Variants in LMO7 observed in about 807,000 individuals in gnomAD.
The protein encoded by LMO7 is LIM domain only protein 7.
Under a neutral mutation model 206.5 loss-of-function variants are expected in LMO7, and 120 were observed. The observed-to-expected ratio is 0.58, with a 90% CI of 0.50 to 0.68. LMO7 has a LOEUF of 0.68. LMO7 is among the 30% of genes least tolerant of loss of function. LMO7 has a pLI of 0.00. For synonymous variants in LMO7, 706 were observed against 681.5 expected (o/e 1.04, Z -0.56); for missense variants, 1,959 against 1,957.9 (o/e 1.00, Z -0.01).
intron 11 of LMO7, among the ~76,000 whole-genome samples, chr13:75,813,687 C>T (rs949066513): frequency 4.6e-5 from 7 of 152,266 alleles, no homozygotes; most frequent in South Asian, 2.1e-4. Context: ...GGCTGTGCTC[C>T]GTGTTGGGGG....
chr13:75,667,655 A>G (rs1429182026), intron 1 of LMO7, among the ~76,000 whole-genome samples: 1 of 151,910 alleles, frequency 6.6e-6, no homozygotes, highest in Admixed American at 6.6e-5. Flanking sequence ...ATTTTCTTTC[A>G]TTATTATCAT....
intron 1 of LMO7, among the ~76,000 whole-genome samples, chr13:75,687,199 C>G (rs952355333): frequency 6.6e-6 from 1 of 152,010 alleles, no homozygotes; most frequent in Non-Finnish European, 1.5e-5. Flanking sequence ...ATAAAGTGAC[C>G]ACTGATTGTG....
chr13:75,846,234 A>AC (rs1189751911), intron 26 of LMO7, among the ~76,000 whole-genome samples: 3 of 152,176 alleles, frequency 2.0e-5, no homozygotes, highest in Non-Finnish European at 4.4e-5. Flanking sequence ...AGCTAGTTTA[A>AC]CCTCTCATTA....
In LMO7 at chr13:75,729,234, C is replaced by T. The variant is rs372570741; in HGVS notation, c.210+2136C>T. Among the ~76,000 whole-genome samples the T allele has an allele frequency of 6.9e-4, 102 of 146,862 alleles. 1 individual carries two copies. The highest frequency in any genetic ancestry group is 3.5e-3 in the Middle Eastern group (1 of 288). ...ACCTTGGGCAGTATGGCCATTTTCA[C>T]GATATTGATTCTTCCTATCCATGAG... On this transcript the variant is annotated intron_variant, in intron 3 of 30. Coordinates refer to ENST00000377534, the MANE Select transcript of LMO7 (RefSeq NM_001306080.2).
At chr13:75,732,945 G>A (rs183161601) in intron 3 of LMO7, among the ~76,000 whole-genome samples, 87 of 152,266 alleles carry the variant, frequency 5.7e-4, no homozygotes, top group African/African-American at 2.0e-3. Context: ...GCTGATTTTC[G>A]TGAACCGCGA....
upstream of LMO7, among the ~76,000 whole-genome samples, chr13:75,635,517 G>A (rs1458855127): frequency 6.6e-6 from 1 of 152,186 alleles, no homozygotes; most frequent in East Asian, 1.9e-4. Context: ...TCCCCTGAGT[G>A]TCCTCAAACC....
intron 1 of LMO7, among the ~76,000 whole-genome samples, chr13:75,710,430 G>C (rs1232098160): frequency 6.6e-6 from 1 of 152,152 alleles, no homozygotes; most frequent in Non-Finnish European, 1.5e-5. Flanking sequence ...CTATCCATGA[G>C]CATGGAATGT....
intron 4 of LMO7, among the ~76,000 whole-genome samples, chr13:75,789,827 G>A (rs1043931046): frequency 2.0e-5 from 3 of 152,144 alleles, no homozygotes; most frequent in Admixed American, 2.0e-4. Context: ...CTGGTGCACT[G>A]CGGTAAAACT....
chr13:75,706,810 A>G (rs947120005), intron 1 of LMO7, among the ~76,000 whole-genome samples: 2 of 152,190 alleles, frequency 1.3e-5, no homozygotes, highest in African/African-American at 4.8e-5. Context: ...GCCTAAAAAT[A>G]CTTTAGAGTC....
chr13:75,700,272 A>G (rs1180970519), intron 1 of LMO7, among the ~76,000 whole-genome samples: 2 of 152,234 alleles, frequency 1.3e-5, no homozygotes, highest in Non-Finnish European at 2.9e-5. Flanking sequence ...AGATTAAAGT[A>G]AAGACAGGCA....
intron 4 of LMO7, among the ~76,000 whole-genome samples, chr13:75,766,422 C>T (rs2048894492): frequency 6.6e-6 from 1 of 151,874 alleles, no homozygotes; most frequent in Non-Finnish European, 1.5e-5. Context: ...GCACTTCATC[C>T]AGTAAGAGGA....
chr13:75,754,559 G>A (rs985067367), intron 3 of LMO7, among the ~76,000 whole-genome samples: 1 of 152,166 alleles, frequency 6.6e-6, no homozygotes, highest in Non-Finnish European at 1.5e-5. Flanking sequence ...AGGAATGGGA[G>A]TGAGTGGGAA....
chr13:75,779,934 G>A (rs1458623386), intron 4 of LMO7, among the ~76,000 whole-genome samples: 1 of 152,098 alleles, frequency 6.6e-6, no homozygotes, highest in Non-Finnish European at 1.5e-5. Context: ...CTGGATGTCC[G>A]GGGGAGACAT....
At chr13:75,737,700 C>T (rs1288954405) in intron 3 of LMO7, among the ~76,000 whole-genome samples, 1 of 121,330 alleles carries the variant, frequency 8.2e-6, no homozygotes, top group Non-Finnish European at 1.6e-5. Context: ...TTGCAGTGAG[C>T]CGAGATCGCG....
chr13:75,730,449 G>A (rs2045042968), intron 3 of LMO7, among the ~76,000 whole-genome samples: 1 of 152,110 alleles, frequency 6.6e-6, no homozygotes, highest in Non-Finnish European at 1.5e-5. Context: ...ATGGTAGTTT[G>A]TATTTCTGTG....
At position 75,841,984 on chromosome 13, in the gene LMO7, G is replaced by A. The variant is rs200280534; in HGVS notation, c.4031+1G>A. On this transcript the variant is annotated splice_donor_variant, in intron 24 of 30. Transcript: ENST00000377534. LOFTEE classifies it high-confidence loss of function. ...CAGTCAGAATATACCAGTACAGGAG[G>A]TATGTCCCCACAGCCAGAGGGTACA... 12 of 1,604,328 alleles carry A rather than the reference G, an allele frequency of 7.5e-6. No homozygotes were observed. The highest frequency in any genetic ancestry group is 1.0e-5 in the Non-Finnish European group (12 of 1,174,408).
chr13:75,708,992 C>T (rs1401180869), intron 1 of LMO7, among the ~76,000 whole-genome samples: 1 of 152,048 alleles, frequency 6.6e-6, no homozygotes, highest in African/African-American at 2.4e-5. Context: ...GTTCCCCTTC[C>T]TGTGTCCATG....
chr13:75,778,638 C>T (rs1317723038), intron 4 of LMO7, among the ~76,000 whole-genome samples: 1 of 152,176 alleles, frequency 6.6e-6, no homozygotes, highest in Non-Finnish European at 1.5e-5. Context: ...TCGTTCCAGG[C>T]GTTTCACTTA....
chr13:75,715,347 C>A (rs2043451611), intron 2 of LMO7, among the ~76,000 whole-genome samples: 1 of 152,168 alleles, frequency 6.6e-6, no homozygotes, highest in South Asian at 2.1e-4. Flanking sequence ...ACCTTAATGG[C>A]AACAGCAAAC....
Sources: allele counts gnomAD v4.1 joint callset (sites outside exome capture counted in the v4.1 genomes callset), GRCh38; gene constraint gnomAD v4.1.1; transcripts MANE v1.5; gene names NCBI Gene and HGNC (gene_info 2026-07-23, HGNC 2026-07-21).